Variants in SEPTIN11 observed in about 807,000 individuals in gnomAD.
The protein encoded by SEPTIN11 is septin-11.
Under a neutral mutation model 51.4 loss-of-function variants are expected in SEPTIN11, and 25 were observed. The ratio of observed to expected loss-of-function variants is 0.49; its 90% CI spans 0.35 to 0.68. SEPTIN11 has a LOEUF of 0.68. SEPTIN11 is among the 30% of genes least tolerant of loss of function. The probability of loss-of-function intolerance (pLI) is 0.00; values close to 1 mark genes in which losing one functional copy is unlikely to be tolerated. For missense variants in SEPTIN11, 381 were observed against 520.8 expected (o/e 0.73, Z 2.61); for synonymous variants, 174 against 184.1 (o/e 0.95, Z 0.44).
intron 1 of SEPTIN11, among the ~76,000 whole-genome samples, chr4:76,982,683 T>C (rs1722828600): frequency 6.6e-6 from 1 of 152,218 alleles, no homozygotes; most frequent in Admixed American, 6.5e-5. Context: ...ATAACTTATC[T>C]CCCTAATAAG....
At chr4:77,020,796 A>G in intron 7 of SEPTIN11, 126 bp downstream of exon 7, 1 of 844,834 alleles carries the variant, frequency 1.2e-6, no homozygotes, top group Non-Finnish European at 1.8e-6. Context: ...GAAGATTAAT[A>G]CATATGTTGT....
chr4:76,990,397 C>G (rs1723306266), intron 1 of SEPTIN11, among the ~76,000 whole-genome samples: 1 of 152,174 alleles, frequency 6.6e-6, no homozygotes, highest in Non-Finnish European at 1.5e-5. Context: ...GGCTTCACGT[C>G]TCACAAGTAC....
intron 1 of SEPTIN11, among the ~76,000 whole-genome samples, chr4:76,968,434 C>T (rs1386400383): frequency 1.3e-5 from 2 of 152,132 alleles, no homozygotes; most frequent in South Asian, 2.1e-4. Flanking sequence ...CCCTTCTTTT[C>T]GGTCTTCCTG....
intron 3 of SEPTIN11, among the ~76,000 whole-genome samples, chr4:77,008,798 T>C (rs1332158011): frequency 6.6e-6 from 1 of 152,218 alleles, no homozygotes; most frequent in Non-Finnish European, 1.5e-5. Context: ...TAGATTGGAT[T>C]TGTCCTCCTG....
intron 1 of SEPTIN11, among the ~76,000 whole-genome samples, chr4:76,978,714 A>G (rs1015995337): frequency 2.6e-5 from 4 of 152,242 alleles, no homozygotes; most frequent in South Asian, 2.1e-4. Context: ...CCTGCCATAT[A>G]TGTATAAAAT....
intron 1 of SEPTIN11, chr4:76,972,733 G>A (rs937908150): frequency 2.0e-5 from 3 of 152,144 alleles, no homozygotes; most frequent in Admixed American, 1.3e-4. Context: ...TCCCATTTTA[G>A]TACTCCTTTC....
intron 1 of SEPTIN11, among the ~76,000 whole-genome samples, chr4:76,991,128 G>C (rs1723353673): frequency 1.3e-5 from 2 of 152,206 alleles, no homozygotes; most frequent in Non-Finnish European, 2.9e-5. Context: ...ATTAATTTCA[G>C]ATTTTTAAAT....
Position 77,014,753 on chromosome 4 carries a change from T to G in SEPTIN11, c.526-103T>G. On this transcript the variant is annotated intron_variant, in intron 4 of 9. Coordinates refer to ENST00000264893, the MANE Select transcript of SEPTIN11 (RefSeq NM_018243.4). ...TATAAGTAGGAAACATCTTTATTTT[T>G]TACAGTAAGGTTTTGCAATTTTTAT... 4 of 1,115,590 alleles carry G rather than the reference T, an allele frequency of 3.6e-6. No individual in the cohort carries two copies. In the South Asian group the frequency reaches 5.5e-5, roughly 15 times the overall value. The allele number at this position is 1,115,590 out of a possible 1,614,324, so 69.1% of individuals were successfully genotyped here.
intron 2 of SEPTIN11, among the ~76,000 whole-genome samples, chr4:76,999,316 G>A (rs1723953886): frequency 1.3e-5 from 2 of 151,978 alleles, no homozygotes; most frequent in South Asian, 4.2e-4. Flanking sequence ...GTCAATCAAT[G>A]GTCCATCTAT....
chr4:76,989,204 G>T (rs1418469749), intron 1 of SEPTIN11, among the ~76,000 whole-genome samples: 4 of 151,990 alleles, frequency 2.6e-5, no homozygotes, highest in Non-Finnish European at 5.9e-5. Flanking sequence ...ATAATCTGAG[G>T]CGTTGAGAAA....
chr4:76,973,309 T>C (rs939529223), intron 1 of SEPTIN11, among the ~76,000 whole-genome samples: 11 of 152,310 alleles, frequency 7.2e-5, no homozygotes, highest in Middle Eastern at 3.4e-3. Flanking sequence ...AGCCCCAGCC[T>C]TGTTCCACAG....
chr4:77,006,280 A>G (rs556929047), intron 3 of SEPTIN11, among the ~76,000 whole-genome samples: 1 of 152,288 alleles, frequency 6.6e-6, no homozygotes, highest in South Asian at 2.1e-4. Context: ...CTATATAATG[A>G]TAAAATAGTA....
At chr4:76,953,796 T>C (rs750584542) in intron 1 of SEPTIN11, among the ~76,000 whole-genome samples, 13 of 152,264 alleles carry the variant, frequency 8.5e-5, no homozygotes, top group Non-Finnish European at 1.8e-4. Context: ...TTAATTTATC[T>C]TTTAAATTAT....
chr4:77,020,589 C>T lies in SEPTIN11; in HGVS notation c.872C>T (p.Thr291Ile). 1.9e-6 allele frequency: 3 copies of T among 1,614,038 alleles called. No individual in the cohort carries two copies. The highest frequency in any genetic ancestry group is 2.5e-6 in the Non-Finnish European group (3 of 1,179,984). ...GAGGACTTGCGAGAGCAGACTCACA[C>T]CCGCCACTATGAATTGTACCGACGC... ...NMEDLREQTHTRHYELYRRCK... is the reference protein window; with the variant it reads ...NMEDLREQTHIRHYELYRRCK... Residue 291 changes from threonine (T) to isoleucine (I), a missense_variant, in exon 7 of 10, where the codon ACC (threonine) becomes ATC (isoleucine). Transcript: ENST00000264893.
Position 77,034,494 on chromosome 4 carries a change from C to T in SEPTIN11, c.1275-3C>T. On this transcript the variant is annotated splice_polypyrimidine_tract_variant and splice_region_variant and intron_variant, in intron 9 of 9. Transcript: ENST00000264893. ...CTTTTTTGTTTTGTTTTTTAACTTG[C>T]AGTGCAAGCTTCACATAAAGCCTGG... is the stretch of plus-strand genomic sequence containing the variant. 1 of 1,545,154 alleles carries T rather than the reference C, an allele frequency of 6.5e-7. No individual in the cohort carries two copies. The highest frequency in any genetic ancestry group is 1.7e-4 in the Middle Eastern group (1 of 5,772).
At chr4:77,034,334 T>C (rs1726883764) in intron 9 of SEPTIN11, among the ~76,000 whole-genome samples, 163 bp from the exon 10 acceptor site, 1 of 152,264 alleles carries the variant, frequency 6.6e-6, no homozygotes, top group South Asian at 2.1e-4. Flanking sequence ...TGGCTTGTCA[T>C]GTAGAGTAGC....
intron 1 of SEPTIN11, chr4:76,987,811 C>T (rs1723123874): frequency 1.0e-6 from 1 of 978,974 alleles, no homozygotes; most frequent in Non-Finnish European, 1.2e-6. Context: ...CTCTTCAGCT[C>T]AGAGGCGTCT....
At chr4:76,989,548 A>T (rs1432487030) in intron 1 of SEPTIN11, among the ~76,000 whole-genome samples, 2 of 152,228 alleles carry the variant, frequency 1.3e-5, no homozygotes, top group Non-Finnish European at 2.9e-5. Context: ...ACTTCAGTTT[A>T]AGTATGGTGA....
At position 77,037,285 on chromosome 4, in the gene SEPTIN11, T is replaced by C. The variant is rs988651717; in HGVS notation, c.*2773T>C. The C allele has an allele frequency of 4.4e-5, 34 of 766,432 alleles. No homozygotes were observed. Among genetic ancestry groups the C allele is most frequent in the Non-Finnish European group, 1.4e-5 (9 of 630,368 alleles). 47.5% of individuals were successfully genotyped at this position (766,432 alleles called of 1,614,324 possible). A position where few individuals can be genotyped will look rare whatever the true frequency, so the allele number is the denominator to read the frequency against. Reference sequence around the variant, plus strand: ...GCTAAGTCAGGAGAATTGCTTGAACTTGGGAGATGGAGGTTGCAGTGAGCC... The same window carrying C: ...GCTAAGTCAGGAGAATTGCTTGAACCTGGGAGATGGAGGTTGCAGTGAGCC... On this transcript the variant is annotated 3_prime_UTR_variant, in exon 10 of 10. Coordinates refer to ENST00000264893, the MANE Select transcript of SEPTIN11 (RefSeq NM_018243.4).
Sources: gnomAD v4.1 joint callset for allele counts (sites outside exome capture counted in the v4.1 genomes callset) on GRCh38, gnomAD v4.1.1 for gene constraint, MANE v1.5 for transcripts, NCBI Gene and HGNC (gene_info 2026-07-23, HGNC 2026-07-21) for gene names.